CNTNAP2: variants seen among roughly 807,000 people sequenced by gnomAD.
The protein encoded by CNTNAP2 is contactin associated protein 2.
A neutral mutation model predicts 155.2 loss-of-function variants in CNTNAP2; 98 were observed. The observed-to-expected ratio is 0.63, with a 90% CI of 0.54 to 0.75. The LOEUF (loss-of-function observed/expected upper bound fraction) is 0.75. Ranked by LOEUF, CNTNAP2 falls within the 30% of genes least tolerant of loss-of-function variation. CNTNAP2 has a pLI of 0.00. For missense variants in CNTNAP2, 1,727 were observed against 1,688.1 expected (o/e 1.02, Z -0.40); for synonymous variants, 651 against 631.2 (o/e 1.03, Z -0.47).
At chr7:146,954,109 C>A (rs895015965) in intron 3 of CNTNAP2, among the ~76,000 whole-genome samples, 3 of 151,884 alleles carry the variant, frequency 2.0e-5, no homozygotes, top group Non-Finnish European at 4.4e-5. Context: ...GCTTTGGAAT[C>A]GTATTTCTTG....
At chr7:147,468,443 C>G (rs62482789) in intron 10 of CNTNAP2, among the ~76,000 whole-genome samples, 118,196 of 151,784 alleles carry the variant, frequency 0.78, 46,366 homozygotes, top group African/African-American at 0.87. Flanking sequence ...TCTTGCTTTT[C>G]TAAGTGTTGT....
At chr7:147,159,453 T>A (rs1184711677) in intron 8 of CNTNAP2, among the ~76,000 whole-genome samples, 1 of 152,132 alleles carries the variant, frequency 6.6e-6, no homozygotes, top group African/African-American at 2.4e-5. Context: ...TATACCTATT[T>A]ATCTTTGATG....
At chr7:146,552,100 G>T (rs1473076478) in intron 1 of CNTNAP2, among the ~76,000 whole-genome samples, 2 of 152,026 alleles carry the variant, frequency 1.3e-5, no homozygotes, top group Non-Finnish European at 2.9e-5. Context: ...CATTCTAACA[G>T]CCATGAAGAA....
At chr7:147,422,231 G>A (rs1237939969) in intron 10 of CNTNAP2, among the ~76,000 whole-genome samples, 1 of 146,704 alleles carries the variant, frequency 6.8e-6, no homozygotes, top group Non-Finnish European at 1.5e-5. Context: ...TGTATATATA[G>A]TGTGTATATA....
intron 15 of CNTNAP2, among the ~76,000 whole-genome samples, chr7:147,982,178 T>A (rs930698505): frequency 1.3e-5 from 2 of 152,212 alleles, no homozygotes; most frequent in African/African-American, 4.8e-5. Context: ...ATTGTAGGAA[T>A]ATAGTATTTG....
intron 11 of CNTNAP2, among the ~76,000 whole-genome samples, chr7:147,553,726 G>A (rs1333791554): frequency 2.0e-5 from 3 of 152,034 alleles, no homozygotes; most frequent in Non-Finnish European, 4.4e-5. Flanking sequence ...GGTGGTTTGC[G>A]CCTGTAATCC....
intron 1 of CNTNAP2, among the ~76,000 whole-genome samples, chr7:146,743,554 C>A (rs543922659): frequency 3.3e-5 from 5 of 151,476 alleles, no homozygotes; most frequent in East Asian, 1.9e-4. Flanking sequence ...CTCTTCTATG[C>A]ACTCCTGCCT....
chr7:147,284,425 A>T (rs1805130534), intron 8 of CNTNAP2, among the ~76,000 whole-genome samples: 1 of 151,878 alleles, frequency 6.6e-6, no homozygotes, highest in Non-Finnish European at 1.5e-5. Context: ...TGTCTTACGT[A>T]GCATGTAATG....
intron 3 of CNTNAP2, among the ~76,000 whole-genome samples, chr7:146,884,625 G>A (rs1159635817): frequency 6.6e-6 from 1 of 152,068 alleles, no homozygotes; most frequent in Non-Finnish European, 1.5e-5. Context: ...TTCAGGTGAT[G>A]AATAGGACAT....
At chr7:147,213,035 A>G (rs1213514727) in intron 8 of CNTNAP2, among the ~76,000 whole-genome samples, 2 of 152,166 alleles carry the variant, frequency 1.3e-5, no homozygotes, top group African/African-American at 4.8e-5. Flanking sequence ...ATATATATAC[A>G]CACACACTCA....
At chr7:148,224,900 A>G (rs1247483857) in intron 19 of CNTNAP2, among the ~76,000 whole-genome samples, 2 of 152,200 alleles carry the variant, frequency 1.3e-5, no homozygotes, top group Non-Finnish European at 2.9e-5. Context: ...CAACTCAGTC[A>G]CTATCATGAG....
intron 20 of CNTNAP2, among the ~76,000 whole-genome samples, chr7:148,248,902 G>A (rs1796320006): frequency 6.6e-6 from 1 of 152,106 alleles, no homozygotes; most frequent in Admixed American, 6.5e-5. Context: ...TTTAATTATA[G>A]CCATTCAACT....
rs553304493 is a variant in CNTNAP2, at chr7:147,422,597, T to C, written c.1670+26817T>C. 2.6e-5 allele frequency among the ~76,000 whole-genome samples: 4 copies of C among 152,242 alleles called. No homozygotes were observed. In the East Asian group the frequency reaches 7.7e-4, roughly 29 times the overall value. On this transcript the variant is annotated intron_variant, in intron 10 of 23. Transcript: ENST00000361727. ...AGATGCAATGTCTTCAATTAAGTTC[T>C]TTTACACACTGAAGGGATAGTTCAG...
chr7:148,227,075 T>C (rs1439394697), intron 19 of CNTNAP2, among the ~76,000 whole-genome samples: 1 of 152,162 alleles, frequency 6.6e-6, no homozygotes, highest in Non-Finnish European at 1.5e-5. Context: ...AAAGAGAATA[T>C]GCTTCAGGGC....
intron 12 of CNTNAP2, among the ~76,000 whole-genome samples, chr7:147,631,058 A>G (rs557773426): frequency 1.3e-5 from 2 of 152,232 alleles, no homozygotes; most frequent in East Asian, 3.9e-4. Flanking sequence ...TGATATGATC[A>G]TATACCTAGA....
chr7:146,415,709 A>T (rs972598573), intron 1 of CNTNAP2, among the ~76,000 whole-genome samples: 2 of 152,136 alleles, frequency 1.3e-5, no homozygotes, highest in Non-Finnish European at 2.9e-5. Context: ...AATTTAAAAA[A>T]AATTTGCAAC....
At chr7:148,151,303 A>ATAG (rs989497945) in intron 17 of CNTNAP2, among the ~76,000 whole-genome samples, 11 of 152,008 alleles carry the variant, frequency 7.2e-5, no homozygotes, top group South Asian at 2.1e-4. Flanking sequence ...ATTATTAATA[A>ATAG]TAGTAGTAGT....
At chr7:147,801,638 G>C (rs1797988333) in intron 13 of CNTNAP2, among the ~76,000 whole-genome samples, 1 of 152,020 alleles carries the variant, frequency 6.6e-6, no homozygotes, top group African/African-American at 2.4e-5. Context: ...ACAGGGTTGG[G>C]GGTAAGGTCA....
intron 3 of CNTNAP2, among the ~76,000 whole-genome samples, chr7:146,883,439 A>C (rs1015138858): frequency 1.1e-4 from 16 of 152,158 alleles, no homozygotes; most frequent in Non-Finnish European, 2.1e-4. Flanking sequence ...TTGAGGTTTT[A>C]AAGGGAAGAT....
Sources: gnomAD v4.1 joint callset for allele counts (sites outside exome capture counted in the v4.1 genomes callset) on GRCh38, gnomAD v4.1.1 for gene constraint, MANE v1.5 for transcripts, NCBI Gene and HGNC (gene_info 2026-07-23, HGNC 2026-07-21) for gene names.